NOL4L: variants seen among roughly 807,000 people sequenced by gnomAD.
The protein encoded by NOL4L is nucleolar protein 4 like.
Under a neutral mutation model 64.5 loss-of-function variants are expected in NOL4L, and 7 were observed. The observed-to-expected ratio is 0.11, with a 90% confidence interval of 0.06 to 0.20. NOL4L has a LOEUF of 0.20. Ranked by LOEUF, NOL4L falls within the 10% of genes least tolerant of loss-of-function variation. NOL4L has a pLI of 1.00. For synonymous variants in NOL4L, 413 were observed against 401.0 expected, an observed-to-expected ratio of 1.03 and a Z score of -0.36; for missense variants, 680 against 967.1, an observed-to-expected ratio of 0.70 and a Z score of 3.94.
chr20:32,487,864 C>A (rs143299691), intron 4 of NOL4L, among the ~76,000 whole-genome samples: 46 of 152,192 alleles, frequency 3.0e-4, no homozygotes, highest in African/African-American at 1.0e-3. Flanking sequence ...CTTTGGGCAC[C>A]ATACCTAAAC....
intron 4 of NOL4L, among the ~76,000 whole-genome samples, chr20:32,488,261 C>G (rs1025633435): frequency 6.6e-6 from 1 of 152,130 alleles, no homozygotes; most frequent in Non-Finnish European, 1.5e-5. Context: ...AGATTACAAA[C>G]TGTGGTAGAC....
intron 1 of NOL4L, among the ~76,000 whole-genome samples, chr20:32,579,495 C>T (rs552436978): frequency 3.0e-4 from 46 of 152,296 alleles, no homozygotes; most frequent in African/African-American, 9.1e-4. Context: ...CTCCCCACCC[C>T]CCAATCCTCC....
chr20:32,561,491 G>T (rs1326507207), intron 1 of NOL4L, among the ~76,000 whole-genome samples: 1 of 152,196 alleles, frequency 6.6e-6, no homozygotes, highest in Non-Finnish European at 1.5e-5. Flanking sequence ...ATCTGGGCAG[G>T]GCTGGGCCTC....
At chr20:32,485,078 A>AAAAAAAAAAAAAAAAAAAAAAAAAAC (rs1568643165) in intron 4 of NOL4L, among the ~76,000 whole-genome samples, 1 of 147,716 alleles carries the variant, frequency 6.8e-6, no homozygotes, top group African/African-American at 2.5e-5. Flanking sequence ...AAAAAAAAAA[A>AAAAAAAAAAAAAAAAAAAAAAAAAAC]AAAAAAAAAC....
In NOL4L at chr20:32,447,295, C is replaced by G. The variant is rs36184637; in HGVS notation, c.*301G>C. ...AACATCAGGGTCCACGAAGGTGATT[C>G]TAAACAGAGCTGCAGCCCCAGCGCC... On this transcript the variant is annotated 3_prime_UTR_variant, in exon 11 of 11. Transcript: ENST00000621426. 1.7e-6 allele frequency: 1 copy of G among 588,094 alleles called. No homozygotes were observed. The highest frequency in any genetic ancestry group is 1.9e-5 in the African/African-American group (1 of 53,284). The allele number at this position is 588,094 out of a possible 1,614,324, so 36.4% of individuals were successfully genotyped here.
At chr20:32,553,718 C>T (rs958356195) in intron 1 of NOL4L, among the ~76,000 whole-genome samples, 2 of 152,074 alleles carry the variant, frequency 1.3e-5, no homozygotes, top group Non-Finnish European at 2.9e-5. Flanking sequence ...AAATATTTGT[C>T]AAAATAAAAC....
intron 3 of NOL4L, among the ~76,000 whole-genome samples, chr20:32,511,972 C>T (rs770204636): frequency 1.1e-4 from 16 of 152,176 alleles, no homozygotes; most frequent in Non-Finnish European, 2.1e-4. Flanking sequence ...GTGATGGCAC[C>T]ACTGCACTCC....
intron 1 of NOL4L, among the ~76,000 whole-genome samples, chr20:32,559,426 C>A (rs1467929552): frequency 1.3e-5 from 2 of 152,226 alleles, no homozygotes; most frequent in African/African-American, 2.4e-5. Flanking sequence ...GAGTCTAACA[C>A]ACAGTAGGAA....
Position 32,456,922 on chromosome 20 carries a change from C to T in NOL4L, c.842-527G>A, listed in dbSNP as rs909532895. ...AGCAGGAAGGATGGCTCTACTGTGA[C>T]CTCCAGCCATTCACTCCCTCCTGTA... is the stretch of plus-strand genomic sequence containing the variant. On this transcript the variant is annotated intron_variant, in intron 5 of 10. Transcript: ENST00000621426. Among the ~76,000 whole-genome samples, 10 of 152,386 alleles carry T rather than the reference C, an allele frequency of 6.6e-5. No individual in the cohort carries two copies. In the East Asian group the frequency reaches 1.7e-3, roughly 26 times the overall value.
chr20:32,536,805 G>GT (rs1374378388), intron 1 of NOL4L, among the ~76,000 whole-genome samples: 1 of 121,952 alleles, frequency 8.2e-6, no homozygotes, highest in African/African-American at 3.0e-5. Context: ...GGAGTGGGGG[G>GT]GGGGGGGCGC....
rs1288887256 is a variant in NOL4L at position 32,464,851 on chromosome 20, C to T, written c.842-8456G>A. On this transcript the variant is annotated intron_variant, in intron 5 of 10. Transcript: ENST00000621426. The surrounding 1 kb of genome is among the most constrained non-coding windows in gnomAD (Gnocchi z 5.6). ...TACCATTTCAACAAATAATTGATAC[C>T]GTGTTATCAGAGCTGAGATATTTCA... The T allele has an allele frequency of 4.8e-6, 2 of 415,522 alleles. No homozygotes were observed. The highest frequency in any genetic ancestry group is 3.6e-5 in the East Asian group (1 of 28,068). The allele number at this position is 415,522 out of a possible 1,614,324, so 25.7% of individuals were successfully genotyped here.
In NOL4L at chr20:32,511,335, C is replaced by T. The variant is rs906678323; in HGVS notation, c.699+12G>A. The T allele has an allele frequency of 1.9e-5, 29 of 1,535,348 alleles. No individual in the cohort carries two copies. In the African/African-American group the frequency reaches 2.2e-4, roughly 12 times the overall value. On this transcript the variant is annotated intron_variant, in intron 4 of 10. Transcript: ENST00000621426. ...CGCCTCCAGGTGGGGTGAGGGGAGACGGCCGCCTTACCTGCTCCTGGGAAT... is the reference window on the plus strand; with the variant it reads ...CGCCTCCAGGTGGGGTGAGGGGAGATGGCCGCCTTACCTGCTCCTGGGAAT...
intron 4 of NOL4L, among the ~76,000 whole-genome samples, chr20:32,483,032 C>G (rs2015838665): frequency 6.6e-6 from 1 of 150,472 alleles, no homozygotes; most frequent in Non-Finnish European, 1.5e-5. Context: ...TGGGGTGCGC[C>G]CCGCGACCCT....
Position 32,453,023 on chromosome 20 carries a change from G to T in NOL4L, c.1498-17C>A. On this transcript the variant is annotated splice_polypyrimidine_tract_variant and intron_variant, in intron 8 of 10. Coordinates refer to ENST00000621426, the MANE Select transcript of NOL4L (RefSeq NM_001256798.2). The surrounding 1 kb of genome is among the most constrained non-coding windows in gnomAD (Gnocchi z 5.6). ...GGGTCTGGTCTGCAGGCAGAACGGG[G>T]ATGGAGCTAGCATGGGGCCCGTGGG... The T allele has an allele frequency of 6.2e-7, 1 of 1,612,256 alleles. No homozygotes were observed. The highest frequency in any genetic ancestry group is 1.1e-5 in the South Asian group (1 of 91,074).
chr20:32,473,390 G>A lies in NOL4L; in HGVS notation c.841+1211C>T, dbSNP rs146686401. ...CGCCGGTCCCCACCCCCGTGGGAACGCTGGAAGGCGGCACTGGCCTGGGAG... is the reference window on the plus strand; with the variant it reads ...CGCCGGTCCCCACCCCCGTGGGAACACTGGAAGGCGGCACTGGCCTGGGAG... On this transcript the variant is annotated intron_variant, in intron 5 of 10. Coordinates refer to ENST00000621426, the MANE Select transcript of NOL4L (RefSeq NM_001256798.2). Among the ~76,000 whole-genome samples the A allele has an allele frequency of 5.6e-4, 85 of 152,340 alleles. 1 individual carries two copies. The East Asian group carries it at 0.013, about 23-fold the overall frequency.
intron 2 of NOL4L, among the ~76,000 whole-genome samples, chr20:32,525,576 T>C (rs185151798): frequency 6.6e-6 from 1 of 152,234 alleles, no homozygotes; most frequent in East Asian, 1.9e-4. Flanking sequence ...ACATGCTGAC[T>C]GCTCAGCACA....
chr20:32,548,086 C>T (rs2018754444), intron 1 of NOL4L, among the ~76,000 whole-genome samples: 1 of 152,186 alleles, frequency 6.6e-6, no homozygotes, highest in African/African-American at 2.4e-5. Flanking sequence ...ATTAAACACT[C>T]CTGATGTACC....
Position 32,574,404 on chromosome 20 carries a change from C to T in NOL4L, c.321+10166G>A, listed in dbSNP as rs568085048. Among the ~76,000 whole-genome samples the T allele has an allele frequency of 8.5e-5, 13 of 152,340 alleles. No individual in the cohort carries two copies. The South Asian group carries it at 2.7e-3, about 32-fold the overall frequency. The stretch of plus-strand genomic sequence containing the variant: ...CCCAGTGGTTGCTTAGCTGGGGGCC[C>T]AGCAGAGCCTGTGCCTTGGTTTGCT... On this transcript the variant is annotated intron_variant, in intron 1 of 10. Coordinates refer to ENST00000621426, the MANE Select transcript of NOL4L (RefSeq NM_001256798.2).
At chr20:32,465,322 G>A (rs1462401507) in intron 5 of NOL4L, among the ~76,000 whole-genome samples, 1 of 150,660 alleles carries the variant, frequency 6.6e-6, no homozygotes, top group Non-Finnish European at 1.5e-5. Flanking sequence ...AGGCCCCAAA[G>A]CACCACCCAG....
Sources: gnomAD v4.1 joint callset for allele counts (sites outside exome capture counted in the v4.1 genomes callset) on GRCh38, gnomAD v4.1.1 for gene constraint, Gnocchi (gnomAD v3.1) non-coding constraint, MANE v1.5 for transcripts, NCBI Gene and HGNC (gene_info 2026-07-23, HGNC 2026-07-21) for gene names.